Variants in CYP7B1 observed in about 807,000 individuals in gnomAD.
The protein encoded by CYP7B1 is cytochrome P450 7B1.
Under a neutral mutation model 42.7 loss-of-function variants are expected in CYP7B1, and 29 were observed. That is an observed-to-expected ratio of 0.68 (90% CI 0.51 to 0.93). The LOEUF (loss-of-function observed/expected upper bound fraction) is 0.93. CYP7B1 is among the 40% of genes least tolerant of loss of function. The probability of loss-of-function intolerance (pLI) is 0.00; values close to 1 mark genes in which losing one functional copy is unlikely to be tolerated. For missense variants in CYP7B1, 655 were observed against 600.5 expected, an observed-to-expected ratio of 1.09 and a Z score of -0.95; for synonymous variants, 235 against 218.2, an observed-to-expected ratio of 1.08 and a Z score of -0.68.
intron 1 of CYP7B1, among the ~76,000 whole-genome samples, chr8:64,649,086 G>A (rs982826900): frequency 6.6e-6 from 1 of 152,098 alleles, no homozygotes; most frequent in Non-Finnish European, 1.5e-5. Context: ...CTCTAGAACG[G>A]TTTTCATCTT....
At chr8:64,797,968 C>A (rs1252570716) in intron 1 of CYP7B1, among the ~76,000 whole-genome samples, 3 of 152,184 alleles carry the variant, frequency 2.0e-5, no homozygotes, top group African/African-American at 7.2e-5. Flanking sequence ...ACAAAAATCT[C>A]ACGAGGCATG....
chr8:64,636,240 T>C (rs548254693), intron 1 of CYP7B1, among the ~76,000 whole-genome samples: 2 of 152,288 alleles, frequency 1.3e-5, no homozygotes, highest in East Asian at 3.9e-4. Flanking sequence ...ACGAGGGTGC[T>C]GTAGTCTCAC....
chr8:64,614,771 C>CT (rs1444979196), intron 4 of CYP7B1, among the ~76,000 whole-genome samples: 3 of 152,126 alleles, frequency 2.0e-5, no homozygotes, highest in Non-Finnish European at 4.4e-5. Context: ...TAGGCATAAA[C>CT]TTTTTTTCAA....
At chr8:64,684,897 CA>C (rs1806596344) in intron 1 of CYP7B1, among the ~76,000 whole-genome samples, 1 of 152,236 alleles carries the variant, frequency 6.6e-6, no homozygotes, top group Admixed American at 6.5e-5. Context: ...TTCACATCCA[CA>C]AGGATGGCTC....
At chr8:64,643,293 T>A (rs981168377) in intron 1 of CYP7B1, among the ~76,000 whole-genome samples, 2 of 151,794 alleles carry the variant, frequency 1.3e-5, no homozygotes, top group African/African-American at 4.8e-5. Context: ...AAAGCAAATG[T>A]CGCAATAAAG....
At chr8:64,745,494 T>C (rs907105957) in intron 1 of CYP7B1, among the ~76,000 whole-genome samples, 9 of 152,214 alleles carry the variant, frequency 5.9e-5, no homozygotes, top group African/African-American at 2.2e-4. Context: ...ACATTTATAG[T>C]GTGCAGAAAG....
chr8:64,745,148 A>G (rs1807624723), intron 1 of CYP7B1, among the ~76,000 whole-genome samples: 1 of 152,100 alleles, frequency 6.6e-6, no homozygotes, highest in Non-Finnish European at 1.5e-5. Flanking sequence ...AAGGACAACC[A>G]AAAAGCTTAA....
chr8:64,725,195 T>C (rs1402308367), intron 1 of CYP7B1, among the ~76,000 whole-genome samples: 1 of 152,250 alleles, frequency 6.6e-6, no homozygotes, highest in Admixed American at 6.5e-5. Flanking sequence ...TCTCTGAGTC[T>C]TTGGGTCTTC....
At chr8:64,612,683 T>C (rs929096355) in intron 4 of CYP7B1, among the ~76,000 whole-genome samples, 5 of 152,082 alleles carry the variant, frequency 3.3e-5, no homozygotes, top group Admixed American at 2.0e-4. Context: ...AGTGCCCAAA[T>C]CCTCCTTCCT....
chr8:64,750,036 A>G (rs906641891), intron 1 of CYP7B1, among the ~76,000 whole-genome samples: 2 of 152,216 alleles, frequency 1.3e-5, no homozygotes, highest in East Asian at 3.8e-4. Flanking sequence ...AATGCATGCT[A>G]AAATGCTCCT....
intron 1 of CYP7B1, among the ~76,000 whole-genome samples, chr8:64,720,411 A>G (rs1807219324): frequency 6.6e-6 from 1 of 152,214 alleles, no homozygotes; most frequent in Non-Finnish European, 1.5e-5. Context: ...CAGCTGACCT[A>G]TAAAAGAGTA....
At chr8:64,696,239 T>C (rs1806826550) in intron 1 of CYP7B1, among the ~76,000 whole-genome samples, 1 of 152,196 alleles carries the variant, frequency 6.6e-6, no homozygotes, top group African/African-American at 2.4e-5. Flanking sequence ...TATTTTTAAA[T>C]GCTGACCAAG....
chr8:64,608,917 T>C (rs1341703122), intron 4 of CYP7B1, among the ~76,000 whole-genome samples: 1 of 152,230 alleles, frequency 6.6e-6, no homozygotes. Flanking sequence ...ACACAGTCTT[T>C]GGTTCACTGC....
At chr8:64,672,542 T>C (rs1328272650) in intron 1 of CYP7B1, among the ~76,000 whole-genome samples, 3 of 152,152 alleles carry the variant, frequency 2.0e-5, no homozygotes, top group African/African-American at 7.2e-5. Flanking sequence ...TTCTTACCTA[T>C]GATTCTTCCT....
intron 1 of CYP7B1, among the ~76,000 whole-genome samples, chr8:64,671,751 T>G (rs1412978782): frequency 6.6e-6 from 1 of 152,054 alleles, no homozygotes; most frequent in East Asian, 1.9e-4. Context: ...TTCACACACA[T>G]ACACACACGT....
chr8:64,721,732 A>G (rs1807239342), intron 1 of CYP7B1, among the ~76,000 whole-genome samples: 1 of 152,162 alleles, frequency 6.6e-6, no homozygotes, highest in Non-Finnish European at 1.5e-5. Context: ...TTACAGATAT[A>G]TATTTCATAT....
chr8:64,597,475 C>A (rs553633898), intron 5 of CYP7B1, among the ~76,000 whole-genome samples: 11 of 152,316 alleles, frequency 7.2e-5, no homozygotes, highest in Non-Finnish European at 1.6e-4. Context: ...TCGTAAGATT[C>A]AGATAAAGCA....
intron 1 of CYP7B1, among the ~76,000 whole-genome samples, chr8:64,681,259 T>C (rs768006283): frequency 3.3e-5 from 5 of 152,210 alleles, no homozygotes; most frequent in Non-Finnish European, 7.3e-5. Flanking sequence ...TCTGGGCCTG[T>C]TTCTTTGTTC....
At chr8:64,705,596 G>A (rs1806987132) in intron 1 of CYP7B1, among the ~76,000 whole-genome samples, 1 of 151,818 alleles carries the variant, frequency 6.6e-6, no homozygotes, top group Non-Finnish European at 1.5e-5. Flanking sequence ...ATTTTTTGGG[G>A]GTGAGGGGAG....
Sources: gnomAD v4.1 joint callset for allele counts (sites outside exome capture counted in the v4.1 genomes callset) on GRCh38, gnomAD v4.1.1 for gene constraint, MANE v1.5 for transcripts, NCBI Gene and HGNC (gene_info 2026-07-23, HGNC 2026-07-21) for gene names.